The following DLGAP1 variants were observed in gnomAD, a reference collection of about 807,000 sequenced individuals.
The protein encoded by DLGAP1 is disks large-associated protein 1.
Under a neutral mutation model 90.8 loss-of-function variants are expected in DLGAP1, and 11 were observed. That is an observed-to-expected ratio of 0.12 (90% CI 0.08 to 0.20). The LOEUF is 0.20. DLGAP1 is among the 10% of genes least tolerant of loss of function. The pLI, the probability that DLGAP1 is intolerant of heterozygous loss-of-function variation, is 1.00. For synonymous variants in DLGAP1, 558 were observed against 540.7 expected, an observed-to-expected ratio of 1.03 and a Z score of -0.44; for missense variants, 1,050 against 1,333.8, an observed-to-expected ratio of 0.79 and a Z score of 3.31.
At chr18:4,398,834 T>C (rs1482485217) in intron 1 of DLGAP1, among the ~76,000 whole-genome samples, 2 of 152,090 alleles carry the variant, frequency 1.3e-5, no homozygotes, top group Admixed American at 6.5e-5. Context: ...TGCCGTTTTT[T>C]TGTTTTGCTT....
At chr18:4,169,845 G>C (rs1179247851) in intron 1 of DLGAP1, among the ~76,000 whole-genome samples, 1 of 152,124 alleles carries the variant, frequency 6.6e-6, no homozygotes, top group Non-Finnish European at 1.5e-5. Context: ...GTTGTCTCAG[G>C]TAAAGAAAGC....
chr18:3,825,008 G>A (rs1288136106), intron 4 of DLGAP1, among the ~76,000 whole-genome samples: 3 of 152,184 alleles, frequency 2.0e-5, no homozygotes, highest in Non-Finnish European at 4.4e-5. Flanking sequence ...CCTCTTGAGG[G>A]TGTGTACTTT....
At chr18:3,712,903 G>A (rs193292334) in intron 7 of DLGAP1, among the ~76,000 whole-genome samples, 4 of 152,342 alleles carry the variant, frequency 2.6e-5, no homozygotes, top group Non-Finnish European at 5.9e-5. Context: ...CAAATTCGTG[G>A]GAGTGAAGTT....
intron 1 of DLGAP1, among the ~76,000 whole-genome samples, chr18:4,172,961 T>TTGTTCTCATCTCAA (rs1555754571): frequency 6.6e-6 from 1 of 152,248 alleles, no homozygotes; most frequent in Non-Finnish European, 1.5e-5. Context: ...TCCAAACTGT[T>TTGTTCTCATCTCAA]ACGTTTCTTG....
intron 5 of DLGAP1, among the ~76,000 whole-genome samples, chr18:3,747,771 A>G (rs2147770861): frequency 6.6e-6 from 1 of 152,332 alleles, no homozygotes; most frequent in Admixed American, 6.5e-5. Flanking sequence ...GAAGGAATTG[A>G]ATAGTTCTTC....
intron 2 of DLGAP1, among the ~76,000 whole-genome samples, chr18:4,070,687 C>G (rs905887875): frequency 6.6e-6 from 1 of 151,490 alleles, no homozygotes; most frequent in Non-Finnish European, 1.5e-5. Context: ...TTAAACAGGG[C>G]TAAAAGAAGC....
intron 7 of DLGAP1, among the ~76,000 whole-genome samples, chr18:3,608,525 C>T (rs1262012850): frequency 6.6e-6 from 1 of 152,102 alleles, no homozygotes; most frequent in African/African-American, 2.4e-5. Flanking sequence ...ATTGGCTTGG[C>T]ACTTATGCAG....
intron 1 of DLGAP1, among the ~76,000 whole-genome samples, chr18:4,157,568 C>T (rs2144472203): frequency 6.6e-6 from 1 of 152,294 alleles, no homozygotes. Flanking sequence ...GGGAAGACCC[C>T]ATGCTCAGAA....
At chr18:3,839,847 A>T (rs1410949833) in intron 4 of DLGAP1, among the ~76,000 whole-genome samples, 1 of 152,186 alleles carries the variant, frequency 6.6e-6, no homozygotes, top group African/African-American at 2.4e-5. Flanking sequence ...AAATTCCTCA[A>T]ACCAGCCTTT....
At chr18:4,339,473 AC>A (rs2081143517) in intron 1 of DLGAP1, among the ~76,000 whole-genome samples, 1 of 152,192 alleles carries the variant, frequency 6.6e-6, no homozygotes, top group Non-Finnish European at 1.5e-5. Flanking sequence ...GTATCCTGGA[AC>A]TTAGAATAAA....
At chr18:4,429,699 G>A (rs1210324860) in intron 1 of DLGAP1, among the ~76,000 whole-genome samples, 1 of 152,058 alleles carries the variant, frequency 6.6e-6, no homozygotes, top group Non-Finnish European at 1.5e-5. Context: ...ACTTTGCATA[G>A]CCTGGCCTCT....
At chr18:3,961,073 A>G (rs772697269) in intron 3 of DLGAP1, among the ~76,000 whole-genome samples, 5 of 152,158 alleles carry the variant, frequency 3.3e-5, no homozygotes, top group Admixed American at 6.5e-5. Context: ...ACCCAGAACT[A>G]CGAGTCGCCC....
chr18:3,776,409 G>C (rs1490788456), intron 5 of DLGAP1, among the ~76,000 whole-genome samples: 2 of 152,196 alleles, frequency 1.3e-5, no homozygotes, highest in Non-Finnish European at 2.9e-5. Flanking sequence ...TCTGAAAGTA[G>C]TCAGTCTCTT....
intron 1 of DLGAP1, among the ~76,000 whole-genome samples, chr18:4,268,960 T>C (rs1343759947): frequency 6.6e-6 from 1 of 152,124 alleles, no homozygotes; most frequent in Non-Finnish European, 1.5e-5. Flanking sequence ...GTGTTATATA[T>C]AATGTTTTTC....
At chr18:3,862,186 T>A (rs899187967) in intron 4 of DLGAP1, among the ~76,000 whole-genome samples, 1 of 151,652 alleles carries the variant, frequency 6.6e-6, no homozygotes, top group Non-Finnish European at 1.5e-5. Flanking sequence ...TAGACAGGAG[T>A]CTTTTGGGTA....
chr18:4,254,936 A>T (rs2078857686), intron 1 of DLGAP1, among the ~76,000 whole-genome samples: 1 of 152,206 alleles, frequency 6.6e-6, no homozygotes, highest in Non-Finnish European at 1.5e-5. Flanking sequence ...AACAGAATGG[A>T]GTTCAATGGA....
At chr18:4,367,231 T>C (rs1181437981) in intron 1 of DLGAP1, among the ~76,000 whole-genome samples, 1 of 151,442 alleles carries the variant, frequency 6.6e-6, no homozygotes, top group African/African-American at 2.4e-5. Context: ...TTAAAAGAAC[T>C]TGCGTAGTAT....
intron 2 of DLGAP1, among the ~76,000 whole-genome samples, chr18:4,098,169 C>T (rs2075715601): frequency 6.6e-6 from 1 of 152,202 alleles, no homozygotes. Flanking sequence ...CTGTCTCGGC[C>T]TCCCAAACTG....
intron 2 of DLGAP1, among the ~76,000 whole-genome samples, chr18:4,019,201 CAA>C (rs538693946): frequency 2.0e-5 from 3 of 152,138 alleles, no homozygotes; most frequent in Non-Finnish European, 4.4e-5. Flanking sequence ...CGTCTAATCA[CAA>C]AGACATTTTC....
Sources: allele counts gnomAD v4.1 joint callset (sites outside exome capture counted in the v4.1 genomes callset), GRCh38; gene constraint gnomAD v4.1.1; transcripts MANE v1.5; gene names NCBI Gene and HGNC (gene_info 2026-07-23, HGNC 2026-07-21).